The following DCAF10 variants were observed in gnomAD, a reference collection of about 807,000 sequenced individuals.
The protein encoded by DCAF10 is DDB1 and CUL4 associated factor 10.
DCAF10 carries 19 observed loss-of-function variants against 51.9 expected under a neutral mutation model. The observed-to-expected ratio is 0.37, with a 90% CI of 0.26 to 0.54. DCAF10 has a LOEUF of 0.54. Among genes scored for constraint, DCAF10 ranks in the 20% least tolerant of loss-of-function variants. DCAF10 has a pLI of 0.87. For synonymous variants in DCAF10, 291 were observed against 297.1 expected, an observed-to-expected ratio of 0.98 and a Z score of 0.21; for missense variants, 510 against 730.6, an observed-to-expected ratio of 0.70 and a Z score of 3.48.
At position 37,865,230 on chromosome 9, in the gene DCAF10, A is replaced by T. The variant is rs1249538824; in HGVS notation, c.*3722A>T. 6.6e-6 allele frequency: 1 copy of T among 152,138 alleles called. No homozygotes were observed. The highest frequency in any genetic ancestry group is 2.4e-5 in the African/African-American group (1 of 41,424). 9.4% of individuals were successfully genotyped at this position (152,138 alleles called of 1,614,324 possible). A position where few individuals can be genotyped will look rare whatever the true frequency, so the allele number is the denominator to read the frequency against. ...TTCAAGCAGAATAAGCAGCTATAAA[A>T]TAGAAAAGAAAAATTAAGGATAAAC... On this transcript the variant is annotated 3_prime_UTR_variant, in exon 7 of 7. Transcript: ENST00000377724.
At chr9:37,847,233 A>G (rs1035905024) in intron 3 of DCAF10, among the ~76,000 whole-genome samples, 6 of 142,030 alleles carry the variant, frequency 4.2e-5, no homozygotes, top group African/African-American at 1.6e-4. Context: ...AGCCTGGGGC[A>G]CAAGAGTGAA....
intron 4 of DCAF10, among the ~76,000 whole-genome samples, chr9:37,855,599 A>G (rs1481379958): frequency 2.0e-5 from 3 of 152,264 alleles, no homozygotes; most frequent in South Asian, 2.1e-4. Flanking sequence ...CCTTTGGGAA[A>G]GAGGGGACTG....
rs772316292 is a variant in DCAF10 at position 37,861,392 on chromosome 9, C to T, written c.1564C>T (p.Arg522Cys). The change falls in exon 7 of 7, where the codon CGT (arginine) becomes TGT (cysteine). Residue 522 changes from arginine to cysteine, a missense_variant. Arg to Cys is a radical substitution (Grantham distance 180). Transcript: ENST00000377724. This position sits in a 1 kb window ranked among gnomAD's most constrained non-coding sequence, Gnocchi z 4.9. Reference sequence around the variant, plus strand: ...AGAAGCCAGTCCCCTGCGGGTGATCCGTTCTCTGTACTCTCATAATGATGT... The same window carrying T: ...AGAAGCCAGTCCCCTGCGGGTGATCTGTTCTCTGTACTCTCATAATGATGT... Reference protein sequence around the residue: ...PKEASPLRVIRSLYSHNDVVL... With the variant: ...PKEASPLRVICSLYSHNDVVL... 5.0e-6 allele frequency: 8 copies of T among 1,614,172 alleles called. No homozygotes were observed. The highest frequency in any genetic ancestry group is 2.2e-5 in the East Asian group (1 of 44,884).
intron 4 of DCAF10, among the ~76,000 whole-genome samples, chr9:37,856,255 T>G (rs1830845268): frequency 6.6e-6 from 1 of 152,224 alleles, no homozygotes; most frequent in African/African-American, 2.4e-5. Flanking sequence ...TGTACTGCAG[T>G]GCCTGGCATA....
intron 3 of DCAF10, among the ~76,000 whole-genome samples, chr9:37,850,475 G>A (rs10973584): frequency 0.19 from 29,023 of 151,892 alleles, 3,164 homozygotes; most frequent in African/African-American, 0.29. Flanking sequence ...TGTCATTTGC[G>A]ACAATACGAA....
At chr9:37,844,612 C>G (rs1015321688) in intron 3 of DCAF10, among the ~76,000 whole-genome samples, 4 of 152,164 alleles carry the variant, frequency 2.6e-5, no homozygotes, top group Admixed American at 2.0e-4. Flanking sequence ...GGTTGTGCCA[C>G]TGTACTCCAG....
intron 5 of DCAF10, among the ~76,000 whole-genome samples, chr9:37,859,644 A>G (rs1212563247): frequency 1.3e-5 from 2 of 152,200 alleles, no homozygotes; most frequent in Non-Finnish European, 2.9e-5. Flanking sequence ...CTGGACCAGA[A>G]AGCACCAGGA....
At chr9:37,828,604 T>TA in intron 2 of DCAF10, among the ~76,000 whole-genome samples, 1 of 152,300 alleles carries the variant, frequency 6.6e-6, no homozygotes, top group Non-Finnish European at 1.5e-5. Flanking sequence ...TTTTAAAACT[T>TA]ATATAGAACA....
rs1332841549 is a variant in DCAF10 at position 37,867,064 on chromosome 9, C to A, written c.*5556C>A. On this transcript the variant is annotated 3_prime_UTR_variant, in exon 7 of 7. Coordinates refer to ENST00000377724, the MANE Select transcript of DCAF10 (RefSeq NM_024345.5). ...TTATATTCTAGAAATGATTCCAAAT[C>A]ATGTCCTAAGAATTTCTCCCATTCA... 6.6e-6 allele frequency: 1 copy of A among 152,098 alleles called. No homozygotes were observed. The highest frequency in any genetic ancestry group is 2.4e-5 in the African/African-American group (1 of 41,408). The allele number at this position is 152,098 out of a possible 1,614,324, so 9.4% of individuals were successfully genotyped here.
intron 2 of DCAF10, among the ~76,000 whole-genome samples, chr9:37,831,749 T>G (rs572381213): frequency 9.8e-5 from 15 of 152,366 alleles, no homozygotes; most frequent in Admixed American, 9.1e-4. Context: ...ACAGGCTTAC[T>G]TCTCATTCCT....
intron 1 of DCAF10, among the ~76,000 whole-genome samples, chr9:37,815,828 T>TC (rs559449610): frequency 1.1e-3 from 164 of 152,306 alleles, no homozygotes; most frequent in South Asian, 5.0e-3. Context: ...GACAGGGTCT[T>TC]GGTCAGCTAG....
At chr9:37,816,777 TG>T (rs1489156580) in intron 1 of DCAF10, among the ~76,000 whole-genome samples, 1 of 152,090 alleles carries the variant, frequency 6.6e-6, no homozygotes, top group Non-Finnish European at 1.5e-5. Flanking sequence ...AAATCTTTAA[TG>T]TGTGGGAAAA....
intron 3 of DCAF10, among the ~76,000 whole-genome samples, chr9:37,853,915 T>C (rs930636092): frequency 6.6e-6 from 1 of 152,114 alleles, no homozygotes; most frequent in Non-Finnish European, 1.5e-5. Flanking sequence ...TAAACTGACA[T>C]TAATTTTAAA....
intron 1 of DCAF10, among the ~76,000 whole-genome samples, chr9:37,813,524 A>G (rs750219566): frequency 1.1e-4 from 16 of 152,250 alleles, no homozygotes; most frequent in Admixed American, 4.6e-4. Context: ...GACTGAGACA[A>G]TGATTGTCAG....
intron 3 of DCAF10, among the ~76,000 whole-genome samples, chr9:37,852,646 C>T (rs1328146980): frequency 2.0e-5 from 3 of 152,014 alleles, no homozygotes; most frequent in African/African-American, 7.2e-5. Context: ...CATGGTGGCT[C>T]ACGCCTATAA....
chr9:37,858,321 A>G (rs1830912012), intron 5 of DCAF10, among the ~76,000 whole-genome samples: 1 of 152,264 alleles, frequency 6.6e-6, no homozygotes, highest in African/African-American at 2.4e-5. Flanking sequence ...GCCCAGAAGT[A>G]TAACATTTTT....
chr9:37,841,972 T>G, intron 2 of DCAF10, 117 bp from the exon 3 acceptor site: 3 of 843,274 alleles, frequency 3.6e-6, no homozygotes, highest in Non-Finnish European at 5.4e-6. Context: ...ACATAGTGAG[T>G]GTGTAGTCCT....
At position 37,800,838 on chromosome 9, in the gene DCAF10, G is replaced by C; in HGVS notation, c.-29G>C. On this transcript the variant is annotated 5_prime_UTR_variant, in exon 1 of 7. Coordinates refer to ENST00000377724, the MANE Select transcript of DCAF10 (RefSeq NM_024345.5). ...TGAGGTGTCGGCCGGCGGGGCAGTG[G>C]CCCGGAGCGGGGGGCGGGGGCGTTG... 1 of 1,486,658 alleles carries C rather than the reference G, an allele frequency of 6.7e-7. No individual in the cohort carries two copies. The highest frequency in any genetic ancestry group is 1.4e-5 in the African/African-American group (1 of 71,612). The allele number at this position is 1,486,658 out of a possible 1,614,324, so 92.1% of individuals were successfully genotyped here. A position where few individuals can be genotyped will look rare whatever the true frequency, so the allele number is the denominator to read the frequency against.
intron 3 of DCAF10, among the ~76,000 whole-genome samples, chr9:37,845,422 A>G (rs898943225): frequency 3.3e-5 from 5 of 152,218 alleles, no homozygotes; most frequent in Non-Finnish European, 7.3e-5. Context: ...GAAGAAGATG[A>G]TAGATGAGCT....
Sources: gnomAD v4.1 joint callset for allele counts (sites outside exome capture counted in the v4.1 genomes callset) on GRCh38, gnomAD v4.1.1 for gene constraint, Gnocchi (gnomAD v3.1) non-coding constraint, MANE v1.5 for transcripts, NCBI Gene and HGNC (gene_info 2026-07-23, HGNC 2026-07-21) for gene names.